Variants in FRAS1 observed in about 807,000 individuals in gnomAD.
The protein encoded by FRAS1 is Fraser extracellular matrix complex subunit 1.
A neutral mutation model predicts 435.2 loss-of-function variants in FRAS1; 290 were observed. That is an observed-to-expected ratio of 0.67 (90% CI 0.61 to 0.73). The LOEUF is 0.73. Among genes scored for constraint, FRAS1 ranks in the 30% least tolerant of loss-of-function variants. The pLI, the probability that FRAS1 is intolerant of heterozygous loss-of-function variation, is 0.00. For missense variants in FRAS1, 4,860 were observed against 5,001.5 expected (o/e 0.97, Z 0.85); for synonymous variants, 1,800 against 1,851.0 (o/e 0.97, Z 0.71).
chr4:78,175,080 C>T (rs1338476623), intron 2 of FRAS1, among the ~76,000 whole-genome samples: 2 of 152,184 alleles, frequency 1.3e-5, no homozygotes, highest in African/African-American at 4.8e-5. Context: ...TTGCTACTTC[C>T]TGCAAATGCA....
At chr4:78,066,875 G>A (rs980530713) in intron 2 of FRAS1, among the ~76,000 whole-genome samples, 2 of 152,130 alleles carry the variant, frequency 1.3e-5, no homozygotes, top group African/African-American at 4.8e-5. Context: ...CTAGATAACT[G>A]TAGATATTCA....
intron 29 of FRAS1, 96 bp downstream of exon 29, chr4:78,387,797 G>C (rs994320964): frequency 4.9e-6 from 4 of 817,950 alleles, no homozygotes; most frequent in African/African-American, 1.7e-5. Context: ...TAAGATATGG[G>C]TAGTCATTCA....
intron 2 of FRAS1, among the ~76,000 whole-genome samples, chr4:78,133,817 C>G (rs1255707939): frequency 6.6e-6 from 1 of 152,116 alleles, no homozygotes; most frequent in Non-Finnish European, 1.5e-5. Context: ...TTTGCTCTTT[C>G]TTTTAAAGCA....
intron 2 of FRAS1, among the ~76,000 whole-genome samples, chr4:78,157,046 G>A (rs1720920087): frequency 6.6e-6 from 1 of 152,188 alleles, no homozygotes; most frequent in South Asian, 2.1e-4. Flanking sequence ...GCTCTGTTGA[G>A]TGAAAAGAGT....
chr4:78,129,060 G>T (rs1396511301), intron 2 of FRAS1, among the ~76,000 whole-genome samples: 1 of 152,202 alleles, frequency 6.6e-6, no homozygotes, highest in African/African-American at 2.4e-5. Context: ...AGATCAGATA[G>T]TTGTAGATAT....
intron 2 of FRAS1, among the ~76,000 whole-genome samples, chr4:78,085,266 C>T (rs1741090047): frequency 6.6e-6 from 1 of 152,014 alleles, no homozygotes; most frequent in Admixed American, 6.6e-5. Context: ...TTTCTGTGTT[C>T]GTATGTTTAA....
rs1042680240 is a variant in FRAS1, at chr4:78,526,692, A to T, written c.10925+35A>T. 8 of 1,325,536 alleles carry T rather than the reference A, an allele frequency of 6.0e-6. No individual in the cohort carries two copies. The African/African-American group carries it at 9.1e-5, about 15-fold the overall frequency. The allele number at this position is 1,325,536 out of a possible 1,614,324, so 82.1% of individuals were successfully genotyped here. A position where few individuals can be genotyped will look rare whatever the true frequency, so the allele number is the denominator to read the frequency against. On this transcript the variant is annotated intron_variant, in intron 70 of 73. Coordinates refer to ENST00000512123, the MANE Select transcript of FRAS1 (RefSeq NM_025074.7). ...TATAGTCAATCCTCATTATTTGTTGATTCCTTATTTGTGAATTCTCCTACT... is the reference window on the plus strand; with the variant it reads ...TATAGTCAATCCTCATTATTTGTTGTTTCCTTATTTGTGAATTCTCCTACT...
At chr4:78,264,929 G>A in intron 6 of FRAS1, 96 bp from the exon 7 acceptor site, 1 of 740,312 alleles carries the variant, frequency 1.4e-6, no homozygotes, top group Non-Finnish European at 2.4e-6. Context: ...AGATGCTTGG[G>A]GGCATGATTT....
chr4:78,521,481 A>G (rs767255739), intron 67 of FRAS1, 42 bp from the exon 68 acceptor site: 6 of 1,468,926 alleles, frequency 4.1e-6, no homozygotes, highest in Non-Finnish European at 5.7e-6. Flanking sequence ...TCAGGGAGGA[A>G]TTTTCCATGC....
At chr4:78,260,029 G>A (rs1320271286) in intron 6 of FRAS1, among the ~76,000 whole-genome samples, 1 of 152,084 alleles carries the variant, frequency 6.6e-6, no homozygotes, top group Non-Finnish European at 1.5e-5. Context: ...GATATGCGGA[G>A]TTATTTCTGA....
intron 2 of FRAS1, among the ~76,000 whole-genome samples, chr4:78,124,490 A>G (rs917557255): frequency 6.6e-6 from 1 of 152,176 alleles, no homozygotes; most frequent in Admixed American, 6.5e-5. Flanking sequence ...GGCCTCATAA[A>G]ATGAGTTAGG....
intron 2 of FRAS1, among the ~76,000 whole-genome samples, chr4:78,091,502 A>G (rs1741518515): frequency 6.6e-6 from 1 of 152,108 alleles, no homozygotes; most frequent in Non-Finnish European, 1.5e-5. Context: ...GGTGGAATGA[A>G]TGGGCCAAAA....
chr4:78,307,760 T>TA (rs1560643612), intron 14 of FRAS1, among the ~76,000 whole-genome samples: 1 of 152,074 alleles, frequency 6.6e-6, no homozygotes, highest in Non-Finnish European at 1.5e-5. Flanking sequence ...CTGTCTGGCA[T>TA]TCCTTAGTGA....
chr4:78,149,867 C>T (rs754827973), intron 2 of FRAS1, among the ~76,000 whole-genome samples: 8 of 152,120 alleles, frequency 5.3e-5, no homozygotes, highest in African/African-American at 9.7e-5. Flanking sequence ...ATCATCTGCA[C>T]GATCTGCACC....
At chr4:78,505,889 G>T (rs1042097723) in intron 61 of FRAS1, among the ~76,000 whole-genome samples, 2 of 152,198 alleles carry the variant, frequency 1.3e-5, no homozygotes, top group African/African-American at 4.8e-5. Flanking sequence ...GGTCTTTGTT[G>T]TTGGTGACCT....
Position 78,412,971 on chromosome 4 carries a change from G to T in FRAS1, c.4311G>T (p.Val1437=), listed in dbSNP as rs1165359354. The change falls in exon 32 of 74, where the codon GTG becomes GTT. Residue 1437 remains valine, a splice_region_variant and synonymous_variant. Coordinates refer to ENST00000512123, the MANE Select transcript of FRAS1 (RefSeq NM_025074.7). ...PAQSDSFRFE[V]SSASNAQTRL... is the part of the protein sequence containing the mutation. ...CACCAGGATGACTTTCTTTTCAGGT[G>T]TCCAGTGCCTCCAATGCCCAGACCC... 6.3e-7 allele frequency: 1 copy of T among 1,595,170 alleles called. No individual in the cohort carries two copies. Among genetic ancestry groups the T allele is most frequent in the South Asian group, 1.1e-5 (1 of 87,132 alleles).
At chr4:78,128,637 G>T (rs865840187) in intron 2 of FRAS1, among the ~76,000 whole-genome samples, 1 of 152,086 alleles carries the variant, frequency 6.6e-6, no homozygotes, top group Admixed American at 6.6e-5. Context: ...TGAGTTCATT[G>T]TAGATTCTGG....
chr4:78,180,879 G>A, intron 2 of FRAS1: 1 of 1,597,370 alleles, frequency 6.3e-7, no homozygotes, highest in Non-Finnish European at 8.6e-7. Flanking sequence ...AGCCAGAACT[G>A]GGAATGCCTC....
At chr4:78,121,768 A>C (rs892022052) in intron 2 of FRAS1, among the ~76,000 whole-genome samples, 1 of 152,178 alleles carries the variant, frequency 6.6e-6, no homozygotes, top group African/African-American at 2.4e-5. Context: ...AGTGCAGAAG[A>C]CTTGGCTGTT....
Sources: gnomAD v4.1 joint callset for allele counts (sites outside exome capture counted in the v4.1 genomes callset) on GRCh38, gnomAD v4.1.1 for gene constraint, MANE v1.5 for transcripts, NCBI Gene and HGNC (gene_info 2026-07-23, HGNC 2026-07-21) for gene names.